Variants in VAC14 observed in about 807,000 individuals in gnomAD.
VAC14 encodes protein VAC14 homolog.
VAC14 carries 47 observed loss-of-function variants against 85.3 expected under a neutral mutation model. That is an observed-to-expected ratio of 0.55 (90% CI 0.44 to 0.70). The LOEUF is 0.70. VAC14 is among the 30% of genes least tolerant of loss of function. The pLI, the probability that VAC14 is intolerant of heterozygous loss-of-function variation, is 0.00. For synonymous variants in VAC14, 447 were observed against 430.5 expected, an observed-to-expected ratio of 1.04 and a Z score of -0.47; for missense variants, 861 against 1,004.3, an observed-to-expected ratio of 0.86 and a Z score of 1.93.
chr16:70,742,958 T>C (rs2030492446), intron 13 of VAC14, among the ~76,000 whole-genome samples: 1 of 151,874 alleles, frequency 6.6e-6, no homozygotes, highest in Non-Finnish European at 1.5e-5. Context: ...TGTGTCTAGC[T>C]AAATGCACCA....
chr16:70,744,854 C>T (rs371897186), intron 12 of VAC14, among the ~76,000 whole-genome samples: 15 of 152,318 alleles, frequency 9.8e-5, no homozygotes, highest in African/African-American at 2.9e-4. Flanking sequence ...TCCCCACGAT[C>T]CCTCTCTCGG....
chr16:70,711,012 G>T (rs978950458), intron 14 of VAC14, among the ~76,000 whole-genome samples: 1 of 152,164 alleles, frequency 6.6e-6, no homozygotes, highest in East Asian at 1.9e-4. Flanking sequence ...GGCGCCATGC[G>T]CATGGCTTCA....
chr16:70,757,466 T>C (rs1414718223), intron 12 of VAC14, among the ~76,000 whole-genome samples: 1 of 152,076 alleles, frequency 6.6e-6, no homozygotes, highest in Non-Finnish European at 1.5e-5. Context: ...CCAGGAGTGC[T>C]GGGGAGGCTG....
At position 70,762,594 on chromosome 16, in the gene VAC14, G is replaced by A; in HGVS notation, c.1317C>T (p.His439=). 6.2e-7 allele frequency: 1 copy of A among 1,614,128 alleles called. No homozygotes were observed. The highest frequency in any genetic ancestry group is 8.5e-7 in the Non-Finnish European group (1 of 1,179,982). ...YIKTPRKMFR[H]TDSLFPILLQ... ...GTAGGATGGGAAAGAGGCTGTCCGT[G>A]TGCCGGAACATCTGGAGGGCAGAGA... Residue 439 remains histidine (H), a synonymous_variant, in exon 12 of 19, where the codon CAC becomes CAT. Transcript: ENST00000261776. This position sits in a 1 kb window ranked among gnomAD's most constrained non-coding sequence, Gnocchi z 4.1.
chr16:70,771,844 G>T (rs1394126553), intron 10 of VAC14: 1 of 413,678 alleles, frequency 2.4e-6, no homozygotes, highest in African/African-American at 2.0e-5. Flanking sequence ...GCCTCCCCAA[G>T]TGCTGGGATT....
At position 70,784,787 on chromosome 16, in the gene VAC14, G is replaced by A. The variant is rs1356562230; in HGVS notation, c.475C>T (p.Arg159Cys). Reference protein sequence around the residue: ...NVKSGSELLDRLLKDIVTESN... With the variant: ...NVKSGSELLDCLLKDIVTESN... ...CAAAGTACAAATACCTTTAAAAGGC[G>A]GTCTAGGAGCTCAGATCCGCTTTTC... The change falls in exon 4 of 19, where the codon CGC becomes TGC. Residue 159 changes from arginine (R) to cysteine (C), a missense_variant. This residue lies in a region of VAC14 where 629 missense variants were observed against 703.1 expected (regional missense o/e 0.89). Coordinates refer to ENST00000261776, the MANE Select transcript of VAC14 (RefSeq NM_018052.5). 6 of 1,614,082 alleles carry A rather than the reference G, an allele frequency of 3.7e-6. No individual in the cohort carries two copies. Among genetic ancestry groups the A allele is most frequent in the Non-Finnish European group, 5.1e-6 (6 of 1,180,006 alleles).
intron 14 of VAC14, among the ~76,000 whole-genome samples, chr16:70,702,347 G>C (rs1259972885): frequency 1.3e-5 from 2 of 152,204 alleles, no homozygotes; most frequent in African/African-American, 4.8e-5. Context: ...CTCCCTCTGA[G>C]TGAGGTGTCT....
At chr16:70,692,060 A>G in intron 18 of VAC14, 1 of 983,182 alleles carries the variant, frequency 1.0e-6, no homozygotes, top group Non-Finnish European at 1.2e-6. Flanking sequence ...CTGACAAGTG[A>G]AATTTTCCAT....
chr16:70,744,960 C>T (rs377059982), intron 12 of VAC14: 4 of 184,588 alleles, frequency 2.2e-5, no homozygotes, highest in Admixed American at 5.4e-5. Context: ...CCGCAGGCTG[C>T]GCAAGGCTCC....
chr16:70,700,412 G>A (rs2053802186), intron 14 of VAC14, among the ~76,000 whole-genome samples: 1 of 152,244 alleles, frequency 6.6e-6, no homozygotes, highest in Middle Eastern at 3.2e-3. Flanking sequence ...TTAGGTGGGA[G>A]GTGAAGGCCT....
chr16:70,722,372 C>G (rs1156962318), intron 14 of VAC14, among the ~76,000 whole-genome samples: 1 of 152,250 alleles, frequency 6.6e-6, no homozygotes, highest in Non-Finnish European at 1.5e-5. Context: ...TGCTCAGAGA[C>G]AGGAGCTCTC....
chr16:70,779,117 G>T (rs1027063706), intron 9 of VAC14: 1 of 152,264 alleles, frequency 6.6e-6, no homozygotes, highest in African/African-American at 2.4e-5. Context: ...TGCTCCAGCT[G>T]AGTGCTGTTC....
chr16:70,728,812 C>T (rs1052413622), intron 14 of VAC14, among the ~76,000 whole-genome samples: 2 of 152,236 alleles, frequency 1.3e-5, no homozygotes, highest in Non-Finnish European at 2.9e-5. Context: ...CCCTGAAAGT[C>T]GTCCAGGCAA....
At chr16:70,777,107 C>T (rs942904030) in intron 9 of VAC14, among the ~76,000 whole-genome samples, 22 of 151,494 alleles carry the variant, frequency 1.5e-4, no homozygotes, top group Non-Finnish European at 2.9e-4. Flanking sequence ...GCGTCTGGCC[C>T]CTAATTTTTG....
chr16:70,787,027 A>G (rs188801928), intron 1 of VAC14, among the ~76,000 whole-genome samples: 4 of 152,212 alleles, frequency 2.6e-5, no homozygotes, highest in Non-Finnish European at 4.4e-5. Context: ...CTGACATGGC[A>G]TATCTGGGAC....
chr16:70,743,598 G>A (rs570067472), intron 13 of VAC14, among the ~76,000 whole-genome samples: 10 of 152,208 alleles, frequency 6.6e-5, no homozygotes, highest in East Asian at 1.9e-4. Flanking sequence ...ACCAAACTCC[G>A]GACACACCAT....
chr16:70,696,427 C>G (rs554572720), intron 16 of VAC14, among the ~76,000 whole-genome samples: 68 of 152,318 alleles, frequency 4.5e-4, no homozygotes, highest in Admixed American at 2.1e-3. Context: ...GCAGGAGAAT[C>G]ACTTAAACCC....
chr16:70,783,575 G>T, intron 5 of VAC14, 21 bp from the exon 6 acceptor site: 1 of 1,610,712 alleles, frequency 6.2e-7, no homozygotes, highest in Non-Finnish European at 8.5e-7. Flanking sequence ...GAAGGGAACA[G>T]GAGGGGAAGT....
At chr16:70,754,677 G>C (rs1166784686) in intron 12 of VAC14, among the ~76,000 whole-genome samples, 1 of 152,180 alleles carries the variant, frequency 6.6e-6, no homozygotes, top group African/African-American at 2.4e-5. Flanking sequence ...TCCCCTGCAG[G>C]CTGGGCTCTT....
Sources: gnomAD v4.1 joint callset for allele counts (sites outside exome capture counted in the v4.1 genomes callset) on GRCh38, gnomAD v4.1.1 for gene constraint, gnomAD v4.1.1 regional missense constraint, Gnocchi (gnomAD v3.1) non-coding constraint, MANE v1.5 for transcripts, NCBI Gene and HGNC (gene_info 2026-07-23, HGNC 2026-07-21) for gene names.